ATP8A2: variants seen among roughly 807,000 people sequenced by gnomAD.
The protein encoded by ATP8A2 is phospholipid-transporting ATPase IB.
In ATP8A2, 100 loss-of-function variants were observed where a neutral mutation model predicts 165.6. The ratio of observed to expected loss-of-function variants is 0.60; its 90% CI spans 0.51 to 0.71. The LOEUF is 0.71. Among genes scored for constraint, ATP8A2 ranks in the 30% least tolerant of loss-of-function variants. The pLI, the probability that ATP8A2 is intolerant of heterozygous loss-of-function variation, is 0.00. For missense variants in ATP8A2, 1,227 were observed against 1,479.5 expected, an observed-to-expected ratio of 0.83 and a Z score of 2.80; for synonymous variants, 543 against 548.8, an observed-to-expected ratio of 0.99 and a Z score of 0.15.
chr13:25,482,021 A>G (rs1191271629), intron 2 of ATP8A2, among the ~76,000 whole-genome samples: 1 of 152,166 alleles, frequency 6.6e-6, no homozygotes, highest in African/African-American at 2.4e-5. Context: ...CACCCTTCCC[A>G]TTAAAGAGGT....
Position 25,581,886 on chromosome 13 carries a change from C to T in ATP8A2, c.2075C>T (p.Ala692Val). 2 of 1,613,848 alleles carry T rather than the reference C, an allele frequency of 1.2e-6. No individual in the cohort carries two copies. Among genetic ancestry groups the T allele is most frequent in the South Asian group, 2.2e-5 (2 of 91,060 alleles). The change falls in exon 23 of 37, where the codon GCA (alanine) becomes GTA (valine). Residue 692 changes from alanine (A) to valine (V), a missense_variant. This residue lies in a region of ATP8A2 where 592 missense variants were observed against 785.6 expected (regional missense o/e 0.75). Transcript: ENST00000381655. Reference protein sequence around the residue: ...RLQAGVPETIATLLKAEIKIW... With the variant: ...RLQAGVPETIVTLLKAEIKIW... Reference sequence around the variant, plus strand: ...CAAGCAGGAGTTCCAGAAACCATCGCAACACTGTTGAAGGCAGAAATTAAA... The same window carrying T: ...CAAGCAGGAGTTCCAGAAACCATCGTAACACTGTTGAAGGCAGAAATTAAA...
chr13:25,914,762 T>C (rs112967828), intron 33 of ATP8A2, among the ~76,000 whole-genome samples: 1,714 of 152,334 alleles, frequency 0.011, 22 homozygotes, highest in South Asian at 0.032. Flanking sequence ...CCAGTCTCCT[T>C]AGAGGGGCTT....
chr13:25,700,404 A>G (rs897862359), intron 25 of ATP8A2, among the ~76,000 whole-genome samples: 3 of 152,170 alleles, frequency 2.0e-5, no homozygotes, highest in Non-Finnish European at 4.4e-5. Flanking sequence ...TCCTGTATCC[A>G]TTATCAGTTA....
At chr13:25,483,468 T>C (rs1343944395) in intron 2 of ATP8A2, among the ~76,000 whole-genome samples, 1 of 152,024 alleles carries the variant, frequency 6.6e-6, no homozygotes, top group African/African-American at 2.4e-5. Context: ...TCCAGCAAGG[T>C]AGGGGCAGCA....
At chr13:25,650,209 G>A (rs4132588) in intron 24 of ATP8A2, among the ~76,000 whole-genome samples, 18,955 of 152,188 alleles carry the variant, frequency 0.12, 1,342 homozygotes, top group Admixed American at 0.2. Flanking sequence ...ATTCCATGCT[G>A]TGGACCACAC....
intron 10 of ATP8A2, among the ~76,000 whole-genome samples, chr13:25,548,459 G>A (rs2038719653): frequency 6.6e-6 from 1 of 152,128 alleles, no homozygotes; most frequent in Non-Finnish European, 1.5e-5. Flanking sequence ...ATAATAAATG[G>A]GGTATAGAAA....
At chr13:25,810,751 G>A (rs949663006) in intron 27 of ATP8A2, among the ~76,000 whole-genome samples, 1 of 152,120 alleles carries the variant, frequency 6.6e-6, no homozygotes, top group African/African-American at 2.4e-5. Context: ...ATAGGGTGTG[G>A]AGAAAGAGAG....
chr13:25,794,522 G>A (rs1386743711), intron 27 of ATP8A2, among the ~76,000 whole-genome samples: 1 of 152,102 alleles, frequency 6.6e-6, no homozygotes, highest in Non-Finnish European at 1.5e-5. Context: ...GGTTTCCAGG[G>A]TCTTTGGGTG....
rs117023294 is a variant in ATP8A2 at position 25,599,101 on chromosome 13, T to A, written c.2211+9402T>A. Among the ~76,000 whole-genome samples, 1,482 of 152,250 alleles carry A rather than the reference T, an allele frequency of 9.7e-3. 11 individuals carry two copies. The highest frequency in any genetic ancestry group is 0.014 in the Middle Eastern group (4 of 294). On this transcript the variant is annotated intron_variant, in intron 24 of 36. Coordinates refer to ENST00000381655, the MANE Select transcript of ATP8A2 (RefSeq NM_016529.6). Reference sequence around the variant, plus strand: ...ATATATATGAGAAAAAATATATGTATCTATTTTAGGGTTTTCTTTCCCCAA... The same window carrying A: ...ATATATATGAGAAAAAATATATGTAACTATTTTAGGGTTTTCTTTCCCCAA...
intron 20 of ATP8A2, among the ~76,000 whole-genome samples, chr13:25,578,415 C>T (rs962433945): frequency 1.3e-5 from 2 of 152,108 alleles, no homozygotes; most frequent in Non-Finnish European, 2.9e-5. Flanking sequence ...CTTAGGAGCT[C>T]CTCCCGTATT....
intron 1 of ATP8A2, among the ~76,000 whole-genome samples, chr13:25,457,567 G>A (rs1327063813): frequency 2.0e-5 from 3 of 152,218 alleles, no homozygotes; most frequent in South Asian, 2.1e-4. Flanking sequence ...AGGATTGGAT[G>A]GATTTACACA....
intron 35 of ATP8A2, among the ~76,000 whole-genome samples, chr13:25,985,118 G>A (rs1956251459): frequency 2.0e-5 from 3 of 152,222 alleles, no homozygotes; most frequent in African/African-American, 7.2e-5. Context: ...TCCATCCCCA[G>A]GGCACTGCTA....
chr13:25,891,729 G>A (rs660203), intron 33 of ATP8A2, among the ~76,000 whole-genome samples: 1,622 of 152,208 alleles, frequency 0.011, 28 homozygotes, highest in African/African-American at 0.037. Context: ...GAGGGGATGC[G>A]CTATAATTCC....
intron 28 of ATP8A2, among the ~76,000 whole-genome samples, chr13:25,831,627 G>A (rs1410463050): frequency 6.6e-6 from 1 of 152,094 alleles, no homozygotes; most frequent in Non-Finnish European, 1.5e-5. Flanking sequence ...TGGATCACCT[G>A]AGGTCAAGAG....
intron 33 of ATP8A2, among the ~76,000 whole-genome samples, chr13:25,947,519 C>T (rs1029122248): frequency 2.0e-4 from 30 of 152,140 alleles, no homozygotes; most frequent in African/African-American, 7.0e-4. Context: ...ATCTGGGAGT[C>T]TCCATAAAAG....
intron 24 of ATP8A2, among the ~76,000 whole-genome samples, chr13:25,650,483 G>T (rs79342128): frequency 0.035 from 5,253 of 152,152 alleles, 157 homozygotes; most frequent in East Asian, 0.13. Flanking sequence ...ATAACAGTTT[G>T]GATATACCCT....
chr13:25,987,594 C>T (rs1956299433), intron 35 of ATP8A2, among the ~76,000 whole-genome samples: 1 of 152,170 alleles, frequency 6.6e-6, no homozygotes, highest in Non-Finnish European at 1.5e-5. Flanking sequence ...ACTGTGAAGC[C>T]TCCTCTTTTA....
intron 33 of ATP8A2, 88 bp from the exon 34 acceptor site, chr13:25,961,486 TG>T: frequency 9.0e-7 from 1 of 1,111,388 alleles, no homozygotes; most frequent in East Asian, 2.4e-5. Context: ...GTTGTTTTTG[TG>T]TTGTGAAATA....
intron 33 of ATP8A2, among the ~76,000 whole-genome samples, chr13:25,910,055 A>G (rs1266373536): frequency 6.6e-6 from 1 of 152,114 alleles, no homozygotes; most frequent in Non-Finnish European, 1.5e-5. Context: ...GGATGGTGGT[A>G]GTGTTCGCGC....
Sources: gnomAD v4.1 joint callset for allele counts (sites outside exome capture counted in the v4.1 genomes callset) on GRCh38, gnomAD v4.1.1 for gene constraint, gnomAD v4.1.1 regional missense constraint, MANE v1.5 for transcripts, NCBI Gene and HGNC (gene_info 2026-07-23, HGNC 2026-07-21) for gene names.